PLAGL1: variants seen among roughly 807,000 people sequenced by gnomAD.
PLAGL1 encodes the protein PLAG1 like zinc finger 1.
A neutral mutation model predicts 4.6 loss-of-function variants in PLAGL1; 1 was observed. The observed-to-expected ratio is 0.22, with a 90% CI of 0.08 to 1.03. The LOEUF (loss-of-function observed/expected upper bound fraction) is 1.03, where lower values mean the gene tolerates loss of function less well. PLAGL1 is among the 50% of genes least tolerant of loss of function. The pLI is 0.58. For synonymous variants in PLAGL1, 240 were observed against 237.8 expected (o/e 1.01, Z -0.08); for missense variants, 464 against 570.4 (o/e 0.81, Z 1.90).
chr6:144,024,140 C>A (rs1031503581), intron 1 of PLAGL1, among the ~76,000 whole-genome samples: 12 of 152,278 alleles, frequency 7.9e-5, no homozygotes, highest in African/African-American at 2.9e-4. Flanking sequence ...CACAGGTTAG[C>A]ATCCACCTAT....
upstream of PLAGL1, among the ~76,000 whole-genome samples, chr6:144,009,318 C>T (rs1195923294): frequency 6.6e-6 from 1 of 152,048 alleles, no homozygotes; most frequent in Non-Finnish European, 1.5e-5. Context: ...CTTATCTATC[C>T]CTGAATTTTT....
At chr6:144,011,189 T>A (rs992075971), upstream of PLAGL1, among the ~76,000 whole-genome samples, 3 of 151,310 alleles carry the variant, frequency 2.0e-5, no homozygotes, top group African/African-American at 7.3e-5. The surrounding 1 kb of genome is among the most constrained non-coding windows in gnomAD (Gnocchi z 4.3). Flanking sequence ...TGGGAGAAAA[T>A]TTTTGCAATT....
At position 144,053,244 on chromosome 6, in the gene PLAGL1, C is replaced by T. The variant is rs763382860; in HGVS notation, c.-151+11224G>A. 6.6e-6 allele frequency among the ~76,000 whole-genome samples: 1 copy of T among 152,150 alleles called. No individual in the cohort carries two copies. The highest frequency in any genetic ancestry group is 1.5e-5 in the Non-Finnish European group (1 of 68,034). ...CTGCCTCCCGGGTTCAAGCAATTCT[C>T]CTGCCTCAGTCTCCTGAGTACCTGG... On this transcript the variant is annotated intron_variant, in intron 1 of 3. Transcript: ENST00000437412. The surrounding 1 kb of genome is among the most constrained non-coding windows in gnomAD (Gnocchi z 4.0).
Position 144,045,165 on chromosome 6 carries a change from G to A in PLAGL1, c.-151+19303C>T, listed in dbSNP as rs538201292. Among the ~76,000 whole-genome samples, 181 of 151,794 alleles carry A rather than the reference G, an allele frequency of 1.2e-3. 1 individual carries two copies. Among genetic ancestry groups the A allele is most frequent in the African/African-American group, 4.1e-3 (168 of 41,380 alleles). ...TTGCCAGTCTGTGTCTTTTAATTGG[G>A]GAATTTAGCCCATTTACATTTAAGG... On this transcript the variant is annotated intron_variant, in intron 1 of 3. Coordinates refer to the PLAGL1 transcript ENST00000437412.
At chr6:143,991,991 A>G (rs6916498) in intron 1 of PLAGL1, among the ~76,000 whole-genome samples, 112,537 of 152,150 alleles carry the variant, frequency 0.74, 42,141 homozygotes, top group East Asian at 0.87. Context: ...CAGGCTCCAA[A>G]AAGTCCACAT....
Position 144,027,068 on chromosome 6 carries a change from A to T in PLAGL1, c.-151+37400T>A, listed in dbSNP as rs190517510. Among the ~76,000 whole-genome samples the T allele has an allele frequency of 1.3e-5, 2 of 151,892 alleles. No individual in the cohort carries two copies. The highest frequency in any genetic ancestry group is 2.4e-5 in the African/African-American group (1 of 41,386). The stretch of plus-strand genomic sequence containing the variant: ...CCCCCGACTCTACAAAAACAAAATT[A>T]AAAAAATTAGTCAGCCGCGGTGGCA... On this transcript the variant is annotated intron_variant, in intron 1 of 3. Transcript: ENST00000437412. The surrounding 1 kb of genome is among the most constrained non-coding windows in gnomAD (Gnocchi z 5.8).
At chr6:143,981,317 C>T (rs1309947611) in intron 2 of PLAGL1, among the ~76,000 whole-genome samples, 1 of 151,906 alleles carries the variant, frequency 6.6e-6, no homozygotes, top group Non-Finnish European at 1.5e-5. Flanking sequence ...CTTCCCAGTG[C>T]CTCTTTCCTC....
rs975265712 is a variant in PLAGL1, at chr6:143,995,446, G to A, written c.-583-10272C>T. On this transcript the variant is annotated intron_variant, in intron 1 of 7. Coordinates refer to ENST00000674357, the MANE Select transcript of PLAGL1 (RefSeq NM_001317162.2). This position sits in a 1 kb window ranked among gnomAD's most constrained non-coding sequence, Gnocchi z 4.4. ...TAAACTAATTTGAGGAATAAGTTAA[G>A]CCAAGGAAACATGATTCTAAACTAC... 6.6e-6 allele frequency among the ~76,000 whole-genome samples: 1 copy of A among 152,090 alleles called. No homozygotes were observed. Among genetic ancestry groups the A allele is most frequent in the African/African-American group, 2.4e-5 (1 of 41,412 alleles).
At chr6:143,988,784 A>G (rs1281055985) in intron 1 of PLAGL1, among the ~76,000 whole-genome samples, 3 of 152,208 alleles carry the variant, frequency 2.0e-5, no homozygotes, top group Non-Finnish European at 2.9e-5. Context: ...AGGTAGGAAG[A>G]AAAGCCAGCT....
At chr6:144,025,739 A>G (rs1328378326) in intron 1 of PLAGL1, among the ~76,000 whole-genome samples, 1 of 151,950 alleles carries the variant, frequency 6.6e-6, no homozygotes, top group Non-Finnish European at 1.5e-5. Context: ...AAAATACAAA[A>G]AAAATTAGCT....
chr6:143,990,761 A>C lies in PLAGL1; in HGVS notation c.-583-5587T>G, dbSNP rs531224616. 6.6e-6 allele frequency among the ~76,000 whole-genome samples: 1 copy of C among 152,330 alleles called. No individual in the cohort carries two copies. The highest frequency in any genetic ancestry group is 1.9e-4 in the East Asian group (1 of 5,186). On this transcript the variant is annotated intron_variant, in intron 1 of 7. Transcript: ENST00000674357. The surrounding 1 kb of genome is among the most constrained non-coding windows in gnomAD (Gnocchi z 5.4). ...CCAAGGCACTCTTTTCAGGATATTAAAGACTTCATCTTCCCGGGACCCAAC... is the reference window on the plus strand; with the variant it reads ...CCAAGGCACTCTTTTCAGGATATTACAGACTTCATCTTCCCGGGACCCAAC...
rs752733300 is a variant in PLAGL1, at chr6:144,027,292, A to AAAGAAAGAAAGAAAGAAAGT, written c.-151+37175_-151+37176insACTTTCTTTCTTTCTTTCTT. On this transcript the variant is annotated intron_variant, in intron 1 of 3. Transcript: ENST00000437412. The surrounding 1 kb of genome is among the most constrained non-coding windows in gnomAD (Gnocchi z 5.8). Reference sequence around the variant, plus strand: ...GAAAGAAAGAAAGAAAGAAAGAAAGAAAGTTATTTGATCTGAAGTACAATG... The same window carrying AAAGAAAGAAAGAAAGAAAGT: ...GAAAGAAAGAAAGAAAGAAAGAAAGAAAGAAAGAAAGAAAGAAAGTAAGTTATTTGATCTGAAGTACAATG... Among the ~76,000 whole-genome samples the AAAGAAAGAAAGAAAGAAAGT allele has an allele frequency of 7.6e-4, 108 of 142,496 alleles. 2 individuals are homozygous for AAAGAAAGAAAGAAAGAAAGT. Among genetic ancestry groups the AAAGAAAGAAAGAAAGAAAGT allele is most frequent in the African/African-American group, 2.6e-3 (100 of 38,268 alleles). 93.5% of individuals were successfully genotyped at this position (142,496 alleles called of 152,430 possible).
Position 144,034,219 on chromosome 6 carries a change from G to T in PLAGL1, c.-151+30249C>A, listed in dbSNP as rs1381611066. Reference sequence around the variant, plus strand: ...AGCGAACCCCAGCCTCCCTCCTGGGGTGCCTCATTCCAGGGCTCTTCCATC... The same window carrying T: ...AGCGAACCCCAGCCTCCCTCCTGGGTTGCCTCATTCCAGGGCTCTTCCATC... On this transcript the variant is annotated intron_variant, in intron 1 of 3. Transcript: ENST00000437412. This position sits in a 1 kb window ranked among gnomAD's most constrained non-coding sequence, Gnocchi z 4.7. Among the ~76,000 whole-genome samples the T allele has an allele frequency of 6.6e-6, 1 of 152,112 alleles. No individual in the cohort carries two copies. Among genetic ancestry groups the T allele is most frequent in the Non-Finnish European group, 1.5e-5 (1 of 68,022 alleles).
In PLAGL1 at chr6:144,006,545, T is replaced by C. The variant is rs1049917524; in HGVS notation, c.-584+1545A>G. On this transcript the variant is annotated intron_variant, in intron 1 of 7. Coordinates refer to ENST00000674357, the MANE Select transcript of PLAGL1 (RefSeq NM_001317162.2). This position sits in a 1 kb window ranked among gnomAD's most constrained non-coding sequence, Gnocchi z 4.3. The stretch of plus-strand genomic sequence containing the variant: ...GCTCCACCAGGTTCTGAATTTTACA[T>C]AGAAGATATCACACAGCATTCTCCG... 1.3e-5 allele frequency: 2 copies of C among 152,124 alleles called. No homozygotes were observed. The highest frequency in any genetic ancestry group is 2.9e-5 in the Non-Finnish European group (2 of 68,022). The allele number at this position is 152,124 out of a possible 1,614,324, so 9.4% of individuals were successfully genotyped here.
chr6:143,945,014 A>C lies in PLAGL1; in HGVS notation c.153-2351T>G, dbSNP rs1185753405. Reference sequence around the variant, plus strand: ...TAAGTGGGGCACAGTCTGACACCCCAGTAGTACTTGAGCAAGACCACTGCC... The same window carrying C: ...TAAGTGGGGCACAGTCTGACACCCCCGTAGTACTTGAGCAAGACCACTGCC... On this transcript the variant is annotated intron_variant, in intron 7 of 7. Coordinates refer to ENST00000674357, the MANE Select transcript of PLAGL1 (RefSeq NM_001317162.2). The surrounding 1 kb of genome is among the most constrained non-coding windows in gnomAD (Gnocchi z 4.2). Among the ~76,000 whole-genome samples the C allele has an allele frequency of 6.6e-6, 1 of 152,186 alleles. No homozygotes were observed. The highest frequency in any genetic ancestry group is 1.9e-4 in the East Asian group (1 of 5,192).
chr6:143,971,650 G>A lies in PLAGL1; in HGVS notation c.-543-2672C>T, dbSNP rs1297335465. On this transcript the variant is annotated intron_variant, in intron 2 of 7. Coordinates refer to ENST00000674357, the MANE Select transcript of PLAGL1 (RefSeq NM_001317162.2). This position sits in a 1 kb window ranked among gnomAD's most constrained non-coding sequence, Gnocchi z 4.7. ...AAATTTCCCTTAGACTTTTCACTAAGAAGCAAAGCTGTTTGTTTGCCTTTT... is the reference window on the plus strand; with the variant it reads ...AAATTTCCCTTAGACTTTTCACTAAAAAGCAAAGCTGTTTGTTTGCCTTTT... Among the ~76,000 whole-genome samples, 1 of 152,184 alleles carries A rather than the reference G, an allele frequency of 6.6e-6. No homozygotes were observed. The highest frequency in any genetic ancestry group is 1.9e-4 in the East Asian group (1 of 5,200).
chr6:144,054,210 T>A (rs952488768), intron 1 of PLAGL1, among the ~76,000 whole-genome samples: 2 of 152,178 alleles, frequency 1.3e-5, no homozygotes, highest in Non-Finnish European at 2.9e-5. Context: ...CCTACAACAG[T>A]CCATTCTTCA....
chr6:143,962,814 G>C lies in PLAGL1; in HGVS notation c.-399+1973C>G, dbSNP rs1301422516. Among the ~76,000 whole-genome samples the C allele has an allele frequency of 6.6e-6, 1 of 152,200 alleles. No homozygotes were observed. The highest frequency in any genetic ancestry group is 1.5e-5 in the Non-Finnish European group (1 of 68,034). ...TTTTTATTTCTAATGATTTGAGTGG[G>C]AAAGAATTGGGCAACCCTCAAACAC... On this transcript the variant is annotated intron_variant, in intron 5 of 7. Transcript: ENST00000674357. The surrounding 1 kb of genome is among the most constrained non-coding windows in gnomAD (Gnocchi z 5.3).
At chr6:143,977,385 A>G (rs1583358714) in intron 2 of PLAGL1, among the ~76,000 whole-genome samples, 1 of 151,238 alleles carries the variant, frequency 6.6e-6, no homozygotes, top group African/African-American at 2.4e-5. Context: ...CTTTTACTTT[A>G]GTAATACACA....
Sources: gnomAD v4.1 joint callset for allele counts (sites outside exome capture counted in the v4.1 genomes callset) on GRCh38, gnomAD v4.1.1 for gene constraint, Gnocchi (gnomAD v3.1) non-coding constraint, MANE v1.5 for transcripts, NCBI Gene and HGNC (gene_info 2026-07-23, HGNC 2026-07-21) for gene names.